The following MAGI3 variants were observed in gnomAD, a reference collection of about 807,000 sequenced individuals.
MAGI3 encodes the protein membrane associated guanylate kinase, WW and PDZ domain containing 3.
In MAGI3, 43 loss-of-function variants were observed where a neutral mutation model predicts 121.8. The ratio of observed to expected loss-of-function variants is 0.35; its 90% CI spans 0.28 to 0.46. The LOEUF is 0.46. Ranked by LOEUF, MAGI3 falls within the 20% of genes least tolerant of loss-of-function variation. The pLI is 1.00. For missense variants in MAGI3, 1,547 were observed against 1,797.3 expected (o/e 0.86, Z 2.52); for synonymous variants, 553 against 639.3 (o/e 0.86, Z 2.04).
intron 13 of MAGI3, among the ~76,000 whole-genome samples, chr1:113,650,053 ATATAT>A (rs1204705076): frequency 7.2e-5 from 11 of 151,948 alleles, no homozygotes; most frequent in African/African-American, 1.7e-4. Context: ...TATAATATCA[ATATAT>A]TATATATCAA....
At chr1:113,516,698 C>T (rs1657926515) in intron 1 of MAGI3, among the ~76,000 whole-genome samples, 2 of 151,942 alleles carry the variant, frequency 1.3e-5, no homozygotes, top group Admixed American at 1.3e-4. Context: ...CTCCCCACTC[C>T]TTAGGTATGA....
intron 1 of MAGI3, among the ~76,000 whole-genome samples, chr1:113,416,320 A>G (rs1187785044): frequency 7.8e-6 from 1 of 128,668 alleles, no homozygotes; most frequent in Non-Finnish European, 1.6e-5. Context: ...TTAATTATGT[A>G]ATTAATTATA....
At chr1:113,439,320 G>A (rs934691213) in intron 1 of MAGI3, among the ~76,000 whole-genome samples, 5 of 152,156 alleles carry the variant, frequency 3.3e-5, no homozygotes, top group African/African-American at 1.2e-4. Flanking sequence ...ACTGGTAAGC[G>A]AAATCATGGA....
intron 6 of MAGI3, among the ~76,000 whole-genome samples, chr1:113,597,223 G>C (rs1649074758): frequency 6.6e-6 from 1 of 152,156 alleles, no homozygotes; most frequent in South Asian, 2.1e-4. Flanking sequence ...TAATAGGCCA[G>C]ATATTGTATG....
chr1:113,478,168 T>C (rs1655936676), intron 1 of MAGI3, among the ~76,000 whole-genome samples: 1 of 152,208 alleles, frequency 6.6e-6, no homozygotes. Context: ...TGTGATGGGT[T>C]CGAACAACCT....
At chr1:113,556,044 T>C (rs1325483481) in intron 2 of MAGI3, among the ~76,000 whole-genome samples, 1 of 152,108 alleles carries the variant, frequency 6.6e-6, no homozygotes, top group African/African-American at 2.4e-5. Flanking sequence ...AAACACAATA[T>C]ATGAAAATTT....
Position 113,653,494 on chromosome 1 carries a change from C to T in MAGI3, c.2441-336C>T, listed in dbSNP as rs562741924. 2.0e-5 allele frequency among the ~76,000 whole-genome samples: 3 copies of T among 151,964 alleles called. No individual in the cohort carries two copies. The East Asian group carries it at 5.8e-4, about 29-fold the overall frequency. On this transcript the variant is annotated intron_variant, in intron 14 of 20. Coordinates refer to ENST00000307546, the MANE Select transcript of MAGI3 (RefSeq NM_001142782.2). Reference sequence around the variant, plus strand: ...GGCTGAGGCAGGAGAATGGCGTGAACCCAGGAAGCAGAGGTTGCAATGAGC... The same window carrying T: ...GGCTGAGGCAGGAGAATGGCGTGAATCCAGGAAGCAGAGGTTGCAATGAGC...
chr1:113,652,033 T>C (rs1201127960), intron 14 of MAGI3, among the ~76,000 whole-genome samples: 1 of 152,194 alleles, frequency 6.6e-6, no homozygotes, highest in East Asian at 1.9e-4. Context: ...ATTATCTAGT[T>C]CTATGATTAC....
chr1:113,512,648 G>A (rs1004654852), intron 1 of MAGI3, among the ~76,000 whole-genome samples: 1 of 152,122 alleles, frequency 6.6e-6, no homozygotes, highest in Non-Finnish European at 1.5e-5. Flanking sequence ...AGCTATCTAT[G>A]ACAAACCCAC....
At chr1:113,529,341 G>A (rs1396426820) in intron 1 of MAGI3, among the ~76,000 whole-genome samples, 2 of 152,208 alleles carry the variant, frequency 1.3e-5, no homozygotes, top group East Asian at 3.8e-4. Flanking sequence ...CTAGGTTGAA[G>A]GTGCCAGCAG....
chr1:113,488,383 C>A (rs1656502500), intron 1 of MAGI3, among the ~76,000 whole-genome samples: 1 of 152,218 alleles, frequency 6.6e-6, no homozygotes, highest in South Asian at 2.1e-4. Flanking sequence ...GATGGTCTTG[C>A]CCATCAGATG....
intron 1 of MAGI3, among the ~76,000 whole-genome samples, chr1:113,452,453 C>T (rs1259413351): frequency 1.2e-5 from 1 of 80,114 alleles, no homozygotes; most frequent in East Asian, 6.9e-4. Flanking sequence ...TGTGCATAGA[C>T]ATACACACAC....
intron 1 of MAGI3, among the ~76,000 whole-genome samples, chr1:113,426,353 A>T (rs936685665): frequency 6.6e-6 from 1 of 152,128 alleles, no homozygotes; most frequent in South Asian, 2.1e-4. Flanking sequence ...ATTGGTGCTT[A>T]AAAAAAGGTA....
intron 1 of MAGI3, among the ~76,000 whole-genome samples, chr1:113,463,112 A>G (rs1655110893): frequency 6.6e-6 from 1 of 152,134 alleles, no homozygotes; most frequent in African/African-American, 2.4e-5. Context: ...TTTAAAAAAC[A>G]AATCTCCAGT....
intron 2 of MAGI3, among the ~76,000 whole-genome samples, chr1:113,564,298 G>A (rs1362051313): frequency 6.6e-6 from 1 of 152,144 alleles, no homozygotes; most frequent in Non-Finnish European, 1.5e-5. Flanking sequence ...TTTAATTACA[G>A]TATCACTTAT....
chr1:113,677,322 A>G (rs773343704), intron 19 of MAGI3, among the ~76,000 whole-genome samples: 34 of 152,232 alleles, frequency 2.2e-4, no homozygotes, highest in Non-Finnish European at 4.6e-4. Flanking sequence ...TTTTACTTAT[A>G]TTAGTCTCAA....
intron 1 of MAGI3, among the ~76,000 whole-genome samples, chr1:113,394,744 A>T (rs780152179): frequency 1.3e-5 from 2 of 152,198 alleles, no homozygotes; most frequent in Non-Finnish European, 2.9e-5. Context: ...TACAATAAAT[A>T]CATGAAATCA....
intron 1 of MAGI3, among the ~76,000 whole-genome samples, chr1:113,518,237 T>C (rs1163112441): frequency 6.6e-6 from 1 of 152,120 alleles, no homozygotes; most frequent in Non-Finnish European, 1.5e-5. Flanking sequence ...GGTTTCAGAT[T>C]TATGGTTATA....
At chr1:113,418,635 G>A (rs1652577920) in intron 1 of MAGI3, among the ~76,000 whole-genome samples, 2 of 151,974 alleles carry the variant, frequency 1.3e-5, no homozygotes. Context: ...ACACAAGATG[G>A]AAAGCACATG....
Sources: allele counts gnomAD v4.1 joint callset (sites outside exome capture counted in the v4.1 genomes callset), GRCh38; gene constraint gnomAD v4.1.1; transcripts MANE v1.5; gene names NCBI Gene and HGNC (gene_info 2026-07-23, HGNC 2026-07-21).